Variants in DOCK2 observed in about 807,000 individuals in gnomAD.
The protein encoded by DOCK2 is dedicator of cytokinesis 2.
Under a neutral mutation model 248.9 loss-of-function variants are expected in DOCK2, and 87 were observed. The observed-to-expected ratio is 0.35, with a 90% confidence interval of 0.29 to 0.42. DOCK2 has a LOEUF of 0.42. DOCK2 is among the 10% of genes least tolerant of loss of function. The probability of loss-of-function intolerance (pLI) is 1.00; values close to 1 mark genes in which losing one functional copy is unlikely to be tolerated. For synonymous variants in DOCK2, 805 were observed against 821.6 expected (o/e 0.98, Z 0.35); for missense variants, 1,747 against 2,300.2 (o/e 0.76, Z 4.92).
At chr5:169,974,085 G>T (rs2112647) in intron 27 of DOCK2, among the ~76,000 whole-genome samples, 38,562 of 152,078 alleles carry the variant, frequency 0.25, 5,274 homozygotes, top group Non-Finnish European at 0.31. Flanking sequence ...TCATACCATG[G>T]TTGCAAAAAT....
intron 26 of DOCK2, among the ~76,000 whole-genome samples, chr5:169,819,877 A>G (rs1768314138): frequency 6.6e-6 from 1 of 152,184 alleles, no homozygotes; most frequent in Non-Finnish European, 1.5e-5. Context: ...CTAGCCAAGT[A>G]AAGCTGTGAC....
intron 5 of DOCK2, among the ~76,000 whole-genome samples, chr5:169,673,411 G>GT (rs1759148339): frequency 6.6e-6 from 1 of 151,754 alleles, no homozygotes; most frequent in South Asian, 2.1e-4. Context: ...TTTTGTTGTT[G>GT]TTTTTTTAAT....
chr5:169,857,286 T>G (rs1388756656), intron 27 of DOCK2, among the ~76,000 whole-genome samples: 7 of 152,360 alleles, frequency 4.6e-5, no homozygotes, highest in South Asian at 4.1e-4. Flanking sequence ...TGGTAAAATG[T>G]GCAGAATGCA....
At chr5:169,927,761 C>T (rs777980733) in intron 27 of DOCK2, among the ~76,000 whole-genome samples, 28 of 152,276 alleles carry the variant, frequency 1.8e-4, no homozygotes, top group Non-Finnish European at 2.6e-4. Context: ...GGACTACAGG[C>T]GCCCGCCACC....
intron 27 of DOCK2, among the ~76,000 whole-genome samples, chr5:169,886,601 A>G (rs532458643): frequency 6.6e-6 from 1 of 152,330 alleles, no homozygotes; most frequent in African/African-American, 2.4e-5. Context: ...GTTAAATGCT[A>G]TGTTAGCACC....
intron 23 of DOCK2, among the ~76,000 whole-genome samples, chr5:169,751,818 T>C (rs550034802): frequency 1.3e-5 from 2 of 152,292 alleles, no homozygotes; most frequent in South Asian, 4.2e-4. Context: ...GTTCCAGACA[T>C]GGAACTGGGA....
At chr5:169,904,583 T>C (rs897764238) in intron 27 of DOCK2, among the ~76,000 whole-genome samples, 33 of 152,062 alleles carry the variant, frequency 2.2e-4, no homozygotes, top group African/African-American at 6.5e-4. Context: ...AGCAGCACCA[T>C]CATCTCATTC....
At chr5:169,646,378 C>A (rs1199906387) in intron 1 of DOCK2, among the ~76,000 whole-genome samples, 1 of 152,160 alleles carries the variant, frequency 6.6e-6, no homozygotes, top group Non-Finnish European at 1.5e-5. Context: ...CTCACAGACA[C>A]CCTAAGAAAA....
intron 26 of DOCK2, among the ~76,000 whole-genome samples, chr5:169,821,161 A>G (rs1768410265): frequency 6.6e-6 from 1 of 152,184 alleles, no homozygotes; most frequent in Non-Finnish European, 1.5e-5. Flanking sequence ...CCTGAAAGTG[A>G]CGTAGAGAAT....
At chr5:169,880,765 T>C (rs1772595612) in intron 27 of DOCK2, among the ~76,000 whole-genome samples, 2 of 152,212 alleles carry the variant, frequency 1.3e-5, no homozygotes, top group Non-Finnish European at 2.9e-5. Flanking sequence ...ACTTGGGGAT[T>C]AAAACACAGA....
At position 169,670,530 on chromosome 5, in the gene DOCK2, TGTTTC is replaced by T. The variant is rs1350269946; in HGVS notation, c.169-11_169-7del. On this transcript the variant is annotated splice_region_variant and splice_polypyrimidine_tract_variant and intron_variant, in intron 3 of 51. Transcript: ENST00000520908. ...TATTTTATTTTGTTTTGTTTTGTTT[TGTTTC>T]CAACAGGGCATTTTTCCTAAGTCAT... 1 of 1,613,096 alleles carries T rather than the reference TGTTTC, an allele frequency of 6.2e-7. No homozygotes were observed. Among genetic ancestry groups the T allele is most frequent in the Admixed American group, 1.7e-5 (1 of 59,748 alleles).
intron 27 of DOCK2, among the ~76,000 whole-genome samples, chr5:169,900,388 A>G (rs1456551572): frequency 1.3e-5 from 2 of 152,206 alleles, no homozygotes; most frequent in East Asian, 3.9e-4. Context: ...TCTAGACGTG[A>G]AATGGAAGTT....
intron 25 of DOCK2, among the ~76,000 whole-genome samples, chr5:169,799,826 G>A (rs1190604877): frequency 6.7e-6 from 1 of 150,248 alleles, no homozygotes; most frequent in Non-Finnish European, 1.5e-5. Context: ...TTTTTCTTTT[G>A]AGACAGGGTC....
chr5:169,803,295 C>T lies in DOCK2; in HGVS notation c.2703+89C>T, dbSNP rs1767114518. The T allele has an allele frequency of 2.7e-6, 4 of 1,500,420 alleles. No homozygotes were observed. In the South Asian group the frequency reaches 5.4e-5, roughly 20 times the overall value. 92.9% of individuals were successfully genotyped at this position (1,500,420 alleles called of 1,614,324 possible). The stretch of plus-strand genomic sequence containing the variant: ...AAATATTGATACTGATGGATAGCAG[C>T]TGGAGTCTAAAGATAAAAGTCAACG... On this transcript the variant is annotated intron_variant, in intron 26 of 51. Transcript: ENST00000520908.
intron 26 of DOCK2, among the ~76,000 whole-genome samples, chr5:169,819,182 T>C (rs867129387): frequency 6.6e-6 from 1 of 152,214 alleles, no homozygotes; most frequent in South Asian, 2.1e-4. Flanking sequence ...CGTTGGCTCA[T>C]GCCTGTACTC....
intron 15 of DOCK2, among the ~76,000 whole-genome samples, chr5:169,710,975 G>T (rs544028057): frequency 7.2e-5 from 11 of 152,280 alleles, no homozygotes; most frequent in African/African-American, 1.7e-4. Flanking sequence ...AGCATGGCCA[G>T]CACCCCACAT....
intron 46 of DOCK2, among the ~76,000 whole-genome samples, chr5:170,074,855 C>T (rs1439252808): frequency 6.6e-6 from 1 of 152,222 alleles, no homozygotes; most frequent in Non-Finnish European, 1.5e-5. Flanking sequence ...TTTGGCCCCT[C>T]AGCTCACCCG....
rs111573162 is a variant in DOCK2, at chr5:170,028,363, A to G, written c.3467+415A>G. On this transcript the variant is annotated intron_variant, in intron 34 of 51. Coordinates refer to ENST00000520908, the MANE Select transcript of DOCK2 (RefSeq NM_004946.3). ...GCTGTGTAATCCCTCCTTTAATCAC[A>G]CTTACTCCCTTTGATGCCCATTTCA... The G allele has an allele frequency of 9.5e-3, 1,477 of 155,810 alleles. 9 individuals are homozygous for G. Among genetic ancestry groups the G allele is most frequent in the Middle Eastern group, 0.054 (104 of 1,920 alleles). The allele number at this position is 155,810 out of a possible 1,614,324, so 9.7% of individuals were successfully genotyped here.
At chr5:169,807,426 A>G (rs191715161) in intron 26 of DOCK2, among the ~76,000 whole-genome samples, 5 of 152,322 alleles carry the variant, frequency 3.3e-5, no homozygotes, top group Non-Finnish European at 7.3e-5. Flanking sequence ...CATTGCTCTA[A>G]TATGACCTGT....
Sources: gnomAD v4.1 joint callset for allele counts (sites outside exome capture counted in the v4.1 genomes callset) on GRCh38, gnomAD v4.1.1 for gene constraint, MANE v1.5 for transcripts, NCBI Gene and HGNC (gene_info 2026-07-23, HGNC 2026-07-21) for gene names.